The following BTAF1 variants were observed in gnomAD, a reference collection of about 807,000 sequenced individuals.
The protein encoded by BTAF1 is TATA-binding protein-associated factor 172.
Under a neutral mutation model 227.1 loss-of-function variants are expected in BTAF1, and 38 were observed. The observed-to-expected ratio is 0.17, with a 90% CI of 0.13 to 0.22. The LOEUF is 0.22. Among genes scored for constraint, BTAF1 ranks in the 10% least tolerant of loss-of-function variants. BTAF1 has a pLI of 1.00. For missense variants in BTAF1, 1,598 were observed against 2,204.0 expected, an observed-to-expected ratio of 0.73 and a Z score of 5.51; for synonymous variants, 742 against 751.9, an observed-to-expected ratio of 0.99 and a Z score of 0.21.
At chr10:92,014,660 G>T (rs1475097080) in intron 32 of BTAF1, among the ~76,000 whole-genome samples, 1 of 152,144 alleles carries the variant, frequency 6.6e-6, no homozygotes, top group Admixed American at 6.5e-5. Flanking sequence ...AACATTATAG[G>T]TATTATTAAT....
chr10:92,025,057 A>C, intron 35 of BTAF1, 90 bp downstream of exon 35: 5 of 1,136,456 alleles, frequency 4.4e-6, no homozygotes, highest in Non-Finnish European at 6.3e-6. Context: ...TTGGCTAAAT[A>C]TCTGCAAATG....
In BTAF1 at chr10:92,009,042, G is replaced by T. The variant is rs377099360; in HGVS notation, c.3937G>T (p.Ala1313Ser). The T allele has an allele frequency of 4.3e-6, 7 of 1,613,862 alleles. No homozygotes were observed. The highest frequency in any genetic ancestry group is 5.1e-6 in the Non-Finnish European group (6 of 1,179,964). ...TTATTGTGTTTTGCTATTGTAAAGG[G>T]CCCAGGAATATGCAAGATCAAAATT... ...CILAGDHCHR[A>S]QEYARSKLAE... The change falls in exon 28 of 38, where the codon GCC becomes TCC. Residue 1313 changes from alanine (A) to serine (S), a missense_variant and splice_region_variant. This residue lies in a region of BTAF1 where 184 missense variants were observed against 341.1 expected (regional missense o/e 0.54). Coordinates refer to ENST00000265990, the MANE Select transcript of BTAF1 (RefSeq NM_003972.3).
chr10:91,974,595 T>C (rs2133954294), intron 14 of BTAF1, among the ~76,000 whole-genome samples: 1 of 152,310 alleles, frequency 6.6e-6, no homozygotes, highest in Non-Finnish European at 1.5e-5. Flanking sequence ...CTCACTCCTG[T>C]AACCCCAGGA....
intron 19 of BTAF1, among the ~76,000 whole-genome samples, chr10:91,987,547 T>C (rs1356968888): frequency 6.6e-6 from 1 of 152,028 alleles, no homozygotes; most frequent in Admixed American, 6.6e-5. Flanking sequence ...CCCAGTCAGA[T>C]CTTAGTACTT....
At chr10:91,956,026 TTTAAGTCATAA>T (rs771391900) in intron 6 of BTAF1, among the ~76,000 whole-genome samples, 38 of 152,228 alleles carry the variant, frequency 2.5e-4, no homozygotes, top group Non-Finnish European at 2.9e-4. Flanking sequence ...ATTTTTGGTC[TTTAAGTCATAA>T]TAGAACATTT....
At chr10:92,022,543 A>T (rs773127071) in intron 34 of BTAF1, among the ~76,000 whole-genome samples, 3 of 152,030 alleles carry the variant, frequency 2.0e-5, no homozygotes, top group Non-Finnish European at 4.4e-5. Flanking sequence ...TCAGCCTCCC[A>T]AGTAACTAGG....
chr10:92,026,485 G>A (rs1851526173), intron 35 of BTAF1, 107 bp from the exon 36 acceptor site: 2 of 893,714 alleles, frequency 2.2e-6, no homozygotes, highest in Non-Finnish European at 3.3e-6. Flanking sequence ...TATCCCTATT[G>A]TGGATTTTTA....
chr10:92,011,011 T>C lies in BTAF1; in HGVS notation c.4104-62T>C, dbSNP rs7916942. 19,235 of 1,197,042 alleles carry C rather than the reference T, an allele frequency of 0.016. 2,281 individuals are homozygous for C. In the African/African-American group the frequency reaches 0.26, roughly 16 times the overall value. The allele number at this position is 1,197,042 out of a possible 1,614,324, so 74.2% of individuals were successfully genotyped here. ...GCAGATTGAAAGCACTTTATACAAA[T>C]GGTAGCTATTAAGAACTTTTCAGGG... On this transcript the variant is annotated intron_variant, in intron 28 of 37. Coordinates refer to ENST00000265990, the MANE Select transcript of BTAF1 (RefSeq NM_003972.3).
intron 23 of BTAF1, 45 bp downstream of exon 23, chr10:91,994,689 T>C (rs1420834316): frequency 6.7e-7 from 1 of 1,502,642 alleles, no homozygotes; most frequent in Non-Finnish European, 9.2e-7. Flanking sequence ...ATAAAACAAG[T>C]GGTCTTATTA....
intron 14 of BTAF1, among the ~76,000 whole-genome samples, chr10:91,978,814 G>GTTTTTTTT (rs145477284): frequency 1.4e-4 from 13 of 89,842 alleles, no homozygotes; most frequent in African/African-American, 4.1e-4. Context: ...TTTATGGCTT[G>GTTTTTTTT]TTTTTTTTTT....
At chr10:92,013,541 A>G in intron 30 of BTAF1, 126 bp from the exon 31 acceptor site, 1 of 1,225,780 alleles carries the variant, frequency 8.2e-7, no homozygotes, top group Non-Finnish European at 1.2e-6. Flanking sequence ...CTTACACCAT[A>G]TGTCTAAAAA....
intron 34 of BTAF1, among the ~76,000 whole-genome samples, chr10:92,023,409 C>G (rs962713342): frequency 1.3e-5 from 2 of 152,152 alleles, no homozygotes; most frequent in Non-Finnish European, 2.9e-5. Context: ...TTAGATTGGC[C>G]CGGTACAGTG....
At chr10:92,011,172 A>G in intron 29 of BTAF1, 22 bp downstream of exon 29, 1 of 1,524,362 alleles carries the variant, frequency 6.6e-7, no homozygotes, top group Non-Finnish European at 8.9e-7. Flanking sequence ...TTTTTTTTTT[A>G]GAAAAATTAA....
chr10:91,928,760 T>TCCCCCCCCCCC (rs60208547), intron 1 of BTAF1, among the ~76,000 whole-genome samples: 9 of 111,842 alleles, frequency 8.0e-5, no homozygotes, highest in African/African-American at 3.5e-4. Flanking sequence ...CAAGAATCCA[T>TCCCCCCCCCCC]CCCCCCCCCC....
intron 19 of BTAF1, 39 bp downstream of exon 19, chr10:91,984,443 A>G (rs1311254413): frequency 6.6e-7 from 1 of 1,510,900 alleles, no homozygotes; most frequent in Non-Finnish European, 9.0e-7. Flanking sequence ...GAGATAGAAC[A>G]TGAAATATAG....
chr10:91,991,797 G>A (rs10882013), intron 20 of BTAF1, among the ~76,000 whole-genome samples: 1,172 of 9,284 alleles, frequency 0.13, 28 homozygotes, highest in African/African-American at 0.23. Flanking sequence ...GTGTGTGTGT[G>A]TATATATATA....
chr10:91,972,540 C>A (rs1269707964), intron 14 of BTAF1, among the ~76,000 whole-genome samples: 2 of 152,158 alleles, frequency 1.3e-5, no homozygotes, highest in Admixed American at 1.3e-4. Context: ...GCAATGAAAA[C>A]TCATTTAATT....
chr10:91,991,971 AT>A (rs1394951050), intron 20 of BTAF1, 147 bp from the exon 21 acceptor site: 5 of 592,506 alleles, frequency 8.4e-6, no homozygotes, highest in Non-Finnish European at 1.4e-5. Flanking sequence ...TTTTATTGCC[AT>A]TTCATTGTCT....
chr10:91,956,923 G>A (rs1330662839), intron 7 of BTAF1, among the ~76,000 whole-genome samples: 2 of 151,998 alleles, frequency 1.3e-5, no homozygotes, highest in Non-Finnish European at 2.9e-5. Flanking sequence ...CCGGGAGGCC[G>A]AGGTTGCAGT....
Sources: allele counts gnomAD v4.1 joint callset (sites outside exome capture counted in the v4.1 genomes callset), GRCh38; gene constraint gnomAD v4.1.1; regional missense constraint gnomAD v4.1.1; transcripts MANE v1.5; gene names NCBI Gene and HGNC (gene_info 2026-07-23, HGNC 2026-07-21).